The following LASP1 variants were observed in gnomAD, a reference collection of about 807,000 sequenced individuals.
LASP1 encodes LIM and SH3 protein 1.
A neutral mutation model predicts 38.6 loss-of-function variants in LASP1; 10 were observed. That is an observed-to-expected ratio of 0.26 (90% confidence interval 0.16 to 0.44). The LOEUF is 0.44. Ranked by LOEUF, LASP1 falls within the 20% of genes least tolerant of loss-of-function variation. The pLI is 1.00. For synonymous variants in LASP1, 132 were observed against 140.8 expected, an observed-to-expected ratio of 0.94 and a Z score of 0.44; for missense variants, 243 against 375.7, an observed-to-expected ratio of 0.65 and a Z score of 2.92.
intron 1 of LASP1, among the ~76,000 whole-genome samples, chr17:38,875,442 A>G (rs1913742872): frequency 6.6e-6 from 1 of 152,118 alleles, no homozygotes; most frequent in Admixed American, 6.5e-5. Flanking sequence ...GTTATGCACC[A>G]GAAGGAGTCT....
intron 2 of LASP1, among the ~76,000 whole-genome samples, chr17:38,885,894 G>T (rs903013985): frequency 6.6e-6 from 1 of 152,156 alleles, no homozygotes; most frequent in Non-Finnish European, 1.5e-5. Flanking sequence ...GCATGCTGGT[G>T]GGGGGAGGGG....
At chr17:38,900,776 C>T (rs2143795436) in intron 4 of LASP1, among the ~76,000 whole-genome samples, 1 of 152,304 alleles carries the variant, frequency 6.6e-6, no homozygotes, top group Admixed American at 6.5e-5. Context: ...AAATGGCATG[C>T]TTCCCTTTGG....
chr17:38,881,239 T>G lies in LASP1; in HGVS notation c.164+3059T>G, dbSNP rs1036832439. On this transcript the variant is annotated intron_variant, in intron 2 of 6. Coordinates refer to ENST00000318008, the MANE Select transcript of LASP1 (RefSeq NM_006148.4). ...GTGTTTGCTGTCATTCCCTCCTGCT[T>G]TCTTACTTTTTTTGTTTTTATTTTG... Among the ~76,000 whole-genome samples, 5 of 152,084 alleles carry G rather than the reference T, an allele frequency of 3.3e-5. No individual in the cohort carries two copies. In the East Asian group the frequency reaches 9.6e-4, roughly 29 times the overall value.
intron 2 of LASP1, among the ~76,000 whole-genome samples, chr17:38,886,706 G>A (rs566859818): frequency 6.6e-6 from 1 of 151,998 alleles, no homozygotes; most frequent in Non-Finnish European, 1.5e-5. Flanking sequence ...GGGTGCAGGG[G>A]GTGTGTGGAC....
At chr17:38,896,916 G>T in intron 3 of LASP1, 1 of 985,344 alleles carries the variant, frequency 1.0e-6, no homozygotes, top group Non-Finnish European at 1.2e-6. Context: ...AGAAACCGAG[G>T]CCAGGGGCTT....
intron 5 of LASP1, among the ~76,000 whole-genome samples, chr17:38,914,803 C>T (rs1915066162): frequency 6.6e-6 from 1 of 152,182 alleles, no homozygotes; most frequent in Non-Finnish European, 1.5e-5. Context: ...GCACCAGGGT[C>T]AGGCCTGTAC....
In LASP1 at chr17:38,918,601, A is replaced by G; in HGVS notation, c.613-4A>G. The stretch of plus-strand genomic sequence containing the variant: ...GCCCTAGGCTGACCACACTTCCCCC[A>G]CAGAAGCGGTACCGCGCGGTGTATG... On this transcript the variant is annotated splice_region_variant and splice_polypyrimidine_tract_variant and intron_variant, in intron 6 of 6. Transcript: ENST00000318008. The surrounding 1 kb of genome is among the most constrained non-coding windows in gnomAD (Gnocchi z 4.4). The G allele has an allele frequency of 6.3e-7, 1 of 1,580,370 alleles. No individual in the cohort carries two copies. Among genetic ancestry groups the G allele is most frequent in the East Asian group, 2.3e-5 (1 of 44,180 alleles).
intron 4 of LASP1, among the ~76,000 whole-genome samples, chr17:38,901,368 G>C (rs996775691): frequency 2.0e-5 from 3 of 152,222 alleles, no homozygotes; most frequent in Non-Finnish European, 4.4e-5. Flanking sequence ...TGAGCTAATG[G>C]TCCTCTGCAG....
At chr17:38,870,851 G>A (rs1198567909) in intron 1 of LASP1, among the ~76,000 whole-genome samples, 1 of 152,180 alleles carries the variant, frequency 6.6e-6, no homozygotes, top group Non-Finnish European at 1.5e-5. Flanking sequence ...GTTTTTGAAC[G>A]ACCTGCACCC....
At chr17:38,893,235 C>T (rs181843060) in intron 3 of LASP1, among the ~76,000 whole-genome samples, 9 of 152,324 alleles carry the variant, frequency 5.9e-5, no homozygotes, top group Admixed American at 1.3e-4. Context: ...GCACAGGCAC[C>T]GAGCCCTGTG....
chr17:38,887,200 G>A (rs1392227903), intron 2 of LASP1, among the ~76,000 whole-genome samples: 2 of 152,058 alleles, frequency 1.3e-5, no homozygotes, highest in African/African-American at 2.4e-5. Flanking sequence ...AGAGCTGCCC[G>A]GAGGTCTCCT....
intron 4 of LASP1, among the ~76,000 whole-genome samples, chr17:38,905,605 C>T (rs1477644607): frequency 6.6e-6 from 1 of 151,144 alleles, no homozygotes; most frequent in Non-Finnish European, 1.5e-5. Context: ...AGTGGCTGCA[C>T]TGATTTACCC....
intron 2 of LASP1, among the ~76,000 whole-genome samples, chr17:38,886,045 C>T (rs186384333): frequency 6.6e-6 from 1 of 152,172 alleles, no homozygotes; most frequent in East Asian, 1.9e-4. Flanking sequence ...TTGAGGACCC[C>T]CTTGCTGTCT....
At chr17:38,877,744 C>T (rs546738865) in intron 1 of LASP1, among the ~76,000 whole-genome samples, 1 of 152,160 alleles carries the variant, frequency 6.6e-6, no homozygotes, top group African/African-American at 2.4e-5. Flanking sequence ...TGAGGCCTCG[C>T]CAGCTCTGGG....
rs1170892208 is a variant in LASP1, at chr17:38,918,939, C to T, written c.*161C>T. On this transcript the variant is annotated 3_prime_UTR_variant, in exon 7 of 7. Coordinates refer to ENST00000318008, the MANE Select transcript of LASP1 (RefSeq NM_006148.4). The surrounding 1 kb of genome is among the most constrained non-coding windows in gnomAD (Gnocchi z 4.4). ...TTTTGCCAACTGAAGCCTTCTTCTG[C>T]CACTTCTGCGGGCTCCCTCCTCTGG... The T allele has an allele frequency of 5.1e-6, 4 of 790,854 alleles. No individual in the cohort carries two copies. Among genetic ancestry groups the T allele is most frequent in the Non-Finnish European group, 7.9e-6 (4 of 503,938 alleles). The allele number at this position is 790,854 out of a possible 1,614,324, so 49.0% of individuals were successfully genotyped here. A position where few individuals can be genotyped will look rare whatever the true frequency, so the allele number is the denominator to read the frequency against.
In LASP1 at chr17:38,915,440, G is replaced by C. The variant is rs1915093842; in HGVS notation, c.612+294G>C. On this transcript the variant is annotated intron_variant, in intron 6 of 6. Coordinates refer to ENST00000318008, the MANE Select transcript of LASP1 (RefSeq NM_006148.4). ...ACACACAAGGCAACTTTCTGCATGGGGCCTTCCAGCACTGGGCGCTGCTCT... is the reference window on the plus strand; with the variant it reads ...ACACACAAGGCAACTTTCTGCATGGCGCCTTCCAGCACTGGGCGCTGCTCT... 3 of 301,272 alleles carry C rather than the reference G, an allele frequency of 1.0e-5. 1 individual carries two copies. Among genetic ancestry groups the C allele is most frequent in the Non-Finnish European group, 1.9e-5 (3 of 157,146 alleles). The allele number at this position is 301,272 out of a possible 1,614,324, so 18.7% of individuals were successfully genotyped here.
At chr17:38,875,069 G>GTGTGTGTGTGTGTGTGTGTA (rs1162423460) in intron 1 of LASP1, among the ~76,000 whole-genome samples, 27 of 144,740 alleles carry the variant, frequency 1.9e-4, no homozygotes, top group African/African-American at 7.1e-4. Flanking sequence ...GTGTGTGTGT[G>GTGTGTGTGTGTGTGTGTGTA]TGTGTGTGTG....
At chr17:38,885,594 GGGACAAA>G (rs1395070957) in intron 2 of LASP1, among the ~76,000 whole-genome samples, 2 of 152,172 alleles carry the variant, frequency 1.3e-5, no homozygotes, top group African/African-American at 4.8e-5. Context: ...GCTGGCCTAT[GGGACAAA>G]GGACAGCTGT....
At position 38,898,425 on chromosome 17, in the gene LASP1, A is replaced by T. The variant is rs1334244431; in HGVS notation, c.263A>T (p.Glu88Val). 1.3e-6 allele frequency: 2 copies of T among 1,549,074 alleles called. No individual in the cohort carries two copies. The highest frequency in any genetic ancestry group is 1.7e-6 in the Non-Finnish European group (2 of 1,144,936). Residue 88 changes from glutamate to valine, a missense_variant, in exon 4 of 7, where the codon GAG (glutamate) becomes GTG (valine). Physicochemically the swap from Glu to Val is moderately radical, Grantham distance 121. This residue lies in a region of LASP1 where 33 missense variants were observed against 39.8 expected (regional missense o/e 0.83). Coordinates refer to ENST00000318008, the MANE Select transcript of LASP1 (RefSeq NM_006148.4). ...SELQSQVRYK[E>V]EFEKNKGKGF... ...CCCCTCCTGCAGGTGCGCTACAAGG[A>T]GGAGTTTGAGAAGAACAAGGGCAAA...
Sources: gnomAD v4.1 joint callset for allele counts (sites outside exome capture counted in the v4.1 genomes callset) on GRCh38, gnomAD v4.1.1 for gene constraint, gnomAD v4.1.1 regional missense constraint, Gnocchi (gnomAD v3.1) non-coding constraint, MANE v1.5 for transcripts, NCBI Gene and HGNC (gene_info 2026-07-23, HGNC 2026-07-21) for gene names.